The following ANKLE2 variants were observed in gnomAD, a reference collection of about 807,000 sequenced individuals.
ANKLE2 encodes ankyrin repeat and LEM domain-containing protein 2.
ANKLE2 carries 55 observed loss-of-function variants against 84.2 expected under a neutral mutation model. That is an observed-to-expected ratio of 0.65 (90% CI 0.53 to 0.82). ANKLE2 has a LOEUF of 0.82. Ranked by LOEUF, ANKLE2 falls within the 40% of genes least tolerant of loss-of-function variation. The pLI, the probability that ANKLE2 is intolerant of heterozygous loss-of-function variation, is 0.00. For synonymous variants in ANKLE2, 551 were observed against 486.1 expected, an observed-to-expected ratio of 1.13 and a Z score of -1.76; for missense variants, 1,238 against 1,201.9, an observed-to-expected ratio of 1.03 and a Z score of -0.44.
rs1024919242 is a variant in ANKLE2, at chr12:132,729,185, T to C, written c.2483+494A>G. The stretch of plus-strand genomic sequence containing the variant: ...GGCCAATATGGCGAAACCCCATCTC[T>C]ACTAAAAATACAAAAATCAGCTAGA... On this transcript the variant is annotated intron_variant, in intron 11 of 12. Transcript: ENST00000357997. Among the ~76,000 whole-genome samples, 3 of 150,104 alleles carry C rather than the reference T, an allele frequency of 2.0e-5. No homozygotes were observed. In the East Asian group the frequency reaches 6.1e-4, roughly 30 times the overall value.
intron 6 of ANKLE2, chr12:132,741,719 C>T (rs566421801): frequency 1.1e-4 from 73 of 638,702 alleles, no homozygotes; most frequent in Admixed American, 2.6e-4. Context: ...TTCTTGTTTG[C>T]GCTACTCGAC....
chr12:132,759,786 C>T (rs78408032), intron 1 of ANKLE2: 20,821 of 152,092 alleles, frequency 0.14, 1,792 homozygotes, highest in East Asian at 0.31. Flanking sequence ...AACCAGGTAT[C>T]ACTATCATCC....
At chr12:132,736,233 C>T (rs1413702884) in intron 8 of ANKLE2, among the ~76,000 whole-genome samples, 2 of 152,230 alleles carry the variant, frequency 1.3e-5, no homozygotes, top group Non-Finnish European at 2.9e-5. Context: ...TTCAGGCATG[C>T]GTCCCGGCGC....
At chr12:132,751,144 T>C (rs1008285731) in intron 2 of ANKLE2, 13 of 240,446 alleles carry the variant, frequency 5.4e-5, no homozygotes, top group Non-Finnish European at 7.8e-5. Context: ...AAATAAAAAT[T>C]ATTAAAAGGC....
In ANKLE2 at chr12:132,735,523, AAAAAAATGT is replaced by A; in HGVS notation, c.1594-20_1594-12del. The A allele has an allele frequency of 6.2e-7, 1 of 1,609,072 alleles. No homozygotes were observed. Among genetic ancestry groups the A allele is most frequent in the Non-Finnish European group, 8.5e-7 (1 of 1,177,866 alleles). On this transcript the variant is annotated splice_polypyrimidine_tract_variant and intron_variant, in intron 8 of 12. Transcript: ENST00000357997. ...GCGAAAATCTTCTGCCTATGAAGAA[AAAAAAATGT>A]ATTGAGCCGTGTCAGGCACTGCGCC...
intron 3 of ANKLE2, among the ~76,000 whole-genome samples, chr12:132,750,039 G>A (rs1422281417): frequency 6.6e-6 from 1 of 151,722 alleles, no homozygotes; most frequent in Non-Finnish European, 1.5e-5. Flanking sequence ...CCAACATGGT[G>A]GCTAAAAATA....
chr12:132,747,865 C>T lies in ANKLE2; in HGVS notation c.1197G>A (p.Val399=). Residue 399 remains valine (V), a synonymous_variant, in exon 5 of 13, where the codon GTG becomes GTA. Transcript: ENST00000357997. Reference sequence around the variant, plus strand: ...CGGGGGTGTTGAGGTACAGGTCCACCACGTAACGGATACGCTTCTGCAGCA... The same window carrying T: ...CGGGGGTGTTGAGGTACAGGTCCACTACGTAACGGATACGCTTCTGCAGCA... ...EAMLQKRIRY[V]VDLYLNTPDK... is the part of the protein sequence containing the mutation. 6.2e-7 allele frequency: 1 copy of T among 1,610,286 alleles called. No homozygotes were observed. The highest frequency in any genetic ancestry group is 8.5e-7 in the Non-Finnish European group (1 of 1,179,084).
chr12:132,759,087 CCCCGGGGCACCCACG>C (rs1566041838), intron 1 of ANKLE2: 3 of 87,302 alleles, frequency 3.4e-5, no homozygotes. Flanking sequence ...CGGAGTGGCA[CCCCGGGGCACCCACG>C]TGGCAGAGTG....
chr12:132,747,474 T>G (rs760597273), intron 5 of ANKLE2, among the ~76,000 whole-genome samples: 2 of 152,188 alleles, frequency 1.3e-5, no homozygotes, highest in Non-Finnish European at 2.9e-5. Context: ...GGTAGGACAC[T>G]GAGGGCCTGC....
At chr12:132,728,192 C>T (rs2043749915) in intron 11 of ANKLE2, 29 bp from the exon 12 acceptor site, 1 of 1,602,826 alleles carries the variant, frequency 6.2e-7, no homozygotes, top group Admixed American at 1.8e-5. Flanking sequence ...GAAGCAAAAA[C>T]ATCTTTGGTA....
chr12:132,746,107 G>A (rs930469368), intron 5 of ANKLE2, among the ~76,000 whole-genome samples: 1 of 152,312 alleles, frequency 6.6e-6, no homozygotes, highest in African/African-American at 2.4e-5. Flanking sequence ...CCAGCACTCT[G>A]GGAGGCCAAG....
intron 1 of ANKLE2, chr12:132,759,460 A>G (rs919230492): frequency 5.3e-5 from 7 of 131,818 alleles, no homozygotes; most frequent in African/African-American, 1.8e-4. Context: ...TGCACCACTT[A>G]CCGTCCCCAC....
rs901128237 is a variant in ANKLE2 at position 132,759,072 on chromosome 12, C to T, written c.181+2546G>A. The T allele has an allele frequency of 1.1e-4, 12 of 113,840 alleles. No homozygotes were observed. In the East Asian group the frequency reaches 1.9e-3, roughly 18 times the overall value. The allele number at this position is 113,840 out of a possible 1,614,324, so 7.1% of individuals were successfully genotyped here. On this transcript the variant is annotated intron_variant, in intron 1 of 12. Transcript: ENST00000357997. Reference sequence around the variant, plus strand: ...GGGGCACCCACGTGGCAGAGAGGATCGCTGCGGAGTGGCACCCCGGGGCAC... The same window carrying T: ...GGGGCACCCACGTGGCAGAGAGGATTGCTGCGGAGTGGCACCCCGGGGCAC...
Position 132,725,956 on chromosome 12 carries a change from G to C in ANKLE2, c.*1286C>G, listed in dbSNP as rs770067423. 99 of 152,246 alleles carry C rather than the reference G, an allele frequency of 6.5e-4. No individual in the cohort carries two copies. The highest frequency in any genetic ancestry group is 2.2e-3 in the African/African-American group (92 of 41,548). The allele number at this position is 152,246 out of a possible 1,614,324, so 9.4% of individuals were successfully genotyped here. A position where few individuals can be genotyped will look rare whatever the true frequency, so the allele number is the denominator to read the frequency against. On this transcript the variant is annotated 3_prime_UTR_variant, in exon 13 of 13. Transcript: ENST00000357997. ...CTGACCTATCTCTTGTCATATGAAA[G>C]AAAGAAGCCTTTTTTTAAAACAAAG...
At chr12:132,747,654 C>T (rs531047384) in intron 5 of ANKLE2, among the ~76,000 whole-genome samples, 178 bp downstream of exon 5, 6 of 152,324 alleles carry the variant, frequency 3.9e-5, no homozygotes, top group South Asian at 4.1e-4. Context: ...GGAACCCCAG[C>T]GCTCGGTGCC....
intron 6 of ANKLE2, among the ~76,000 whole-genome samples, chr12:132,742,725 A>ATCATT (rs1566024169): frequency 0.029 from 13 of 456 alleles, no homozygotes; most frequent in African/African-American, 0.042. Flanking sequence ...CATCACCACC[A>ATCATT]CTGCCAACAC....
Position 132,726,866 on chromosome 12 carries a change from C to T in ANKLE2, c.*376G>A, listed in dbSNP as rs1448917964. ...ATCGGTGCTCACGCCTCCGCCAAGC[C>T]CCTCCTCATCCACAGCGTCTGTCGG... On this transcript the variant is annotated 3_prime_UTR_variant, in exon 13 of 13. Coordinates refer to ENST00000357997, the MANE Select transcript of ANKLE2 (RefSeq NM_015114.3). 2 of 190,392 alleles carry T rather than the reference C, an allele frequency of 1.1e-5. No individual in the cohort carries two copies. Among genetic ancestry groups the T allele is most frequent in the African/African-American group, 4.7e-5 (2 of 42,842 alleles). 11.8% of individuals were successfully genotyped at this position (190,392 alleles called of 1,614,324 possible).
chr12:132,753,644 C>T (rs943582757), intron 2 of ANKLE2, among the ~76,000 whole-genome samples: 3 of 151,860 alleles, frequency 2.0e-5, no homozygotes, highest in African/African-American at 4.8e-5. Context: ...TGGTGGCGGG[C>T]GCCTGTAGTT....
intron 3 of ANKLE2, chr12:132,748,897 A>C: frequency 6.6e-6 from 1 of 151,288 alleles, no homozygotes. Flanking sequence ...ACGTATTTTT[A>C]GAGATGAGGT....
Sources: allele counts gnomAD v4.1 joint callset (sites outside exome capture counted in the v4.1 genomes callset), GRCh38; gene constraint gnomAD v4.1.1; transcripts MANE v1.5; gene names NCBI Gene and HGNC (gene_info 2026-07-23, HGNC 2026-07-21).